The following SCLT1 variants were observed in gnomAD, a reference collection of about 807,000 sequenced individuals.
The protein encoded by SCLT1 is sodium channel and clathrin linker 1, also known as sodium channel-associated protein 1.
SCLT1 carries 78 observed loss-of-function variants against 112.8 expected under a neutral mutation model. That is an observed-to-expected ratio of 0.69 (90% CI 0.58 to 0.83). The LOEUF is 0.83. SCLT1 is among the 40% of genes least tolerant of loss of function. The probability of loss-of-function intolerance (pLI) is 0.00; values close to 1 mark genes in which losing one functional copy is unlikely to be tolerated. For synonymous variants in SCLT1, 257 were observed against 254.7 expected (o/e 1.01, Z -0.09); for missense variants, 747 against 770.4 (o/e 0.97, Z 0.36).
intron 20 of SCLT1, among the ~76,000 whole-genome samples, chr4:128,887,548 T>C (rs1732978700): frequency 1.3e-5 from 2 of 152,128 alleles, no homozygotes; most frequent in Non-Finnish European, 2.9e-5. Context: ...ATTAATAATA[T>C]AGTAATTTGA....
chr4:128,987,022 C>T (rs981833140), intron 9 of SCLT1, among the ~76,000 whole-genome samples: 1 of 151,960 alleles, frequency 6.6e-6, no homozygotes, highest in Non-Finnish European at 1.5e-5. Context: ...CTCATCTTAC[C>T]GAAGTCTAGC....
intron 18 of SCLT1, among the ~76,000 whole-genome samples, chr4:128,900,719 C>T (rs1023926875): frequency 6.6e-6 from 1 of 152,196 alleles, no homozygotes; most frequent in African/African-American, 2.4e-5. Context: ...GCAAAAGAAA[C>T]TACCCTCAGA....
chr4:128,888,783 G>C lies in SCLT1; in HGVS notation c.1909-9C>G, dbSNP rs1157558380. The stretch of plus-strand genomic sequence containing the variant: ...AGAATTAGCTTTTCATTCTATTAAG[G>C]GGAAATAGAAAACAAGTTAGAAATC... On this transcript the variant is annotated splice_polypyrimidine_tract_variant and intron_variant, in intron 19 of 20. Transcript: ENST00000281142. 1 of 1,544,374 alleles carries C rather than the reference G, an allele frequency of 6.5e-7. No homozygotes were observed. Among genetic ancestry groups the C allele is most frequent in the Non-Finnish European group, 8.9e-7 (1 of 1,121,726 alleles).
chr4:128,985,010 C>T (rs983857370), intron 9 of SCLT1, among the ~76,000 whole-genome samples: 2 of 152,062 alleles, frequency 1.3e-5, no homozygotes, highest in South Asian at 4.1e-4. Context: ...TCTAGTTCTA[C>T]CCATGTTGCT....
Position 128,911,001 on chromosome 4 carries a change from C to T in SCLT1, c.1830-19864G>A, listed in dbSNP as rs532061304. On this transcript the variant is annotated intron_variant, in intron 18 of 20. Coordinates refer to ENST00000281142, the MANE Select transcript of SCLT1 (RefSeq NM_144643.4). ...ACAACAGGCCAGGTGCGGTGGCTCA[C>T]GCCTGTAATCCCAGCACTTTGGAAG... 5.3e-5 allele frequency among the ~76,000 whole-genome samples: 8 copies of T among 152,246 alleles called. No homozygotes were observed. The South Asian group carries it at 8.3e-4, about 16-fold the overall frequency.
intron 9 of SCLT1, among the ~76,000 whole-genome samples, chr4:128,990,854 TACTC>T (rs1022487909): frequency 5.9e-5 from 8 of 136,304 alleles, no homozygotes; most frequent in African/African-American, 2.2e-4. Context: ...TAAAACAAAA[TACTC>T]AGGAACAAAA....
At chr4:129,073,572 A>G (rs1186416137) in intron 2 of SCLT1, among the ~76,000 whole-genome samples, 1 of 152,086 alleles carries the variant, frequency 6.6e-6, no homozygotes, top group East Asian at 1.9e-4. Flanking sequence ...ATTTCACTCC[A>G]TTTTAATTTA....
At chr4:128,979,134 G>A (rs1186653966) in intron 9 of SCLT1, among the ~76,000 whole-genome samples, 1 of 152,096 alleles carries the variant, frequency 6.6e-6, no homozygotes, top group Non-Finnish European at 1.5e-5. Context: ...TTGCAACACT[G>A]CAAGGAAGGT....
At chr4:128,932,150 C>T (rs767638910) in intron 18 of SCLT1, among the ~76,000 whole-genome samples, 1 of 152,042 alleles carries the variant, frequency 6.6e-6, no homozygotes, top group Non-Finnish European at 1.5e-5. Flanking sequence ...AGGAATAATT[C>T]ATGACAATAA....
At position 129,062,921 on chromosome 4, in the gene SCLT1, C is replaced by T. The variant is rs188305295; in HGVS notation, c.103-18870G>A. Reference sequence around the variant, plus strand: ...TTGGGTCTTATGTCTGACGTCCAGACGTCTCCCAAGATTTGGGAATTTTTC... The same window carrying T: ...TTGGGTCTTATGTCTGACGTCCAGATGTCTCCCAAGATTTGGGAATTTTTC... On this transcript the variant is annotated intron_variant, in intron 2 of 20. Coordinates refer to ENST00000281142, the MANE Select transcript of SCLT1 (RefSeq NM_144643.4). Among the ~76,000 whole-genome samples the T allele has an allele frequency of 1.7e-4, 26 of 152,300 alleles. No homozygotes were observed. In the East Asian group the frequency reaches 3.5e-3, roughly 20 times the overall value.
intron 1 of SCLT1, among the ~76,000 whole-genome samples, chr4:129,088,137 T>G (rs1292859425): frequency 2.0e-5 from 3 of 151,758 alleles, no homozygotes; most frequent in Non-Finnish European, 4.4e-5. Context: ...CAAACATTTA[T>G]AAAATAAAAT....
At chr4:128,984,912 T>C (rs1741959689) in intron 9 of SCLT1, among the ~76,000 whole-genome samples, 1 of 150,792 alleles carries the variant, frequency 6.6e-6, no homozygotes, top group Non-Finnish European at 1.5e-5. Flanking sequence ...GATATACACA[T>C]TTACTGGTAA....
chr4:129,086,601 G>GTTCTC (rs1270605501), intron 1 of SCLT1, among the ~76,000 whole-genome samples: 19 of 152,210 alleles, frequency 1.2e-4, no homozygotes, highest in Admixed American at 1.0e-3. Flanking sequence ...CATTTGGTAT[G>GTTCTC]AGAACTGTAA....
At chr4:128,945,927 A>G (rs956325830) in intron 16 of SCLT1, 80 bp downstream of exon 16, 51 of 928,542 alleles carry the variant, frequency 5.5e-5, no homozygotes, top group Non-Finnish European at 7.8e-5. Flanking sequence ...CCTACCAAAA[A>G]AAAGAAAAGG....
intron 5 of SCLT1, among the ~76,000 whole-genome samples, chr4:129,012,377 G>T (rs1003666364): frequency 6.6e-6 from 1 of 151,888 alleles, no homozygotes; most frequent in African/African-American, 2.4e-5. Context: ...TTGTGCTGTG[G>T]TTTGAGAGAT....
chr4:128,906,599 C>G (rs956810978), intron 18 of SCLT1, among the ~76,000 whole-genome samples: 1 of 152,178 alleles, frequency 6.6e-6, no homozygotes, highest in Admixed American at 6.5e-5. Context: ...AGATCCTTCA[C>G]AGGAAGCTTA....
At chr4:128,908,467 G>A (rs1734858257) in intron 18 of SCLT1, among the ~76,000 whole-genome samples, 1 of 151,666 alleles carries the variant, frequency 6.6e-6, no homozygotes, top group African/African-American at 2.4e-5. Context: ...TTTACAAAGT[G>A]AAGAGAATGC....
chr4:128,947,809 T>C (rs1738307978), intron 15 of SCLT1, among the ~76,000 whole-genome samples: 1 of 152,184 alleles, frequency 6.6e-6, no homozygotes, highest in Non-Finnish European at 1.5e-5. Flanking sequence ...TTAAAATCTG[T>C]ACTTCTAAAA....
intron 14 of SCLT1, among the ~76,000 whole-genome samples, chr4:128,951,385 T>C (rs1738720910): frequency 6.6e-6 from 1 of 152,186 alleles, no homozygotes; most frequent in Non-Finnish European, 1.5e-5. Flanking sequence ...CACTTAGCTA[T>C]GAAGTAGAAT....
Sources: allele counts gnomAD v4.1 joint callset (sites outside exome capture counted in the v4.1 genomes callset), GRCh38; gene constraint gnomAD v4.1.1; transcripts MANE v1.5; gene names NCBI Gene and HGNC (gene_info 2026-07-23, HGNC 2026-07-21).